CASP10: variants seen among roughly 807,000 people sequenced by gnomAD.
CASP10 encodes caspase 10.
CASP10 carries 41 observed loss-of-function variants against 48.5 expected under a neutral mutation model. The observed-to-expected ratio is 0.85, with a 90% CI of 0.66 to 1.10. The LOEUF (loss-of-function observed/expected upper bound fraction) is 1.10. CASP10 is among the 50% of genes least tolerant of loss of function. The probability of loss-of-function intolerance (pLI) is 0.00; values close to 1 mark genes in which losing one functional copy is unlikely to be tolerated. For synonymous variants in CASP10, 232 were observed against 238.4 expected, an observed-to-expected ratio of 0.97 and a Z score of 0.25; for missense variants, 614 against 614.5, an observed-to-expected ratio of 1.00 and a Z score of 0.01.
intron 2 of CASP10, among the ~76,000 whole-genome samples, chr2:201,187,081 A>T (rs1209577177): frequency 6.6e-6 from 1 of 152,214 alleles, no homozygotes; most frequent in East Asian, 1.9e-4. Context: ...GGTCTCTGCG[A>T]TTAGAACACA....
At chr2:201,203,368 G>T (rs1295892365) in intron 5 of CASP10, among the ~76,000 whole-genome samples, 1 of 149,962 alleles carries the variant, frequency 6.7e-6, no homozygotes, top group Non-Finnish European at 1.5e-5. Context: ...GTGCAGTTGC[G>T]CAATCTCGGC....
chr2:201,205,585 G>A (rs554969140), intron 6 of CASP10, among the ~76,000 whole-genome samples: 5 of 152,144 alleles, frequency 3.3e-5, no homozygotes, highest in Admixed American at 6.5e-5. Context: ...TATATCCAGT[G>A]ACATAAATGC....
At chr2:201,203,813 G>A in intron 6 of CASP10, 47 bp downstream of exon 6, 5 of 1,449,280 alleles carry the variant, frequency 3.4e-6, no homozygotes, top group Non-Finnish European at 4.9e-6. Context: ...GGTATGGTAG[G>A]GATAGACATA....
intron 4 of CASP10, among the ~76,000 whole-genome samples, chr2:201,193,808 G>A (rs917175851): frequency 3.3e-5 from 5 of 152,158 alleles, no homozygotes; most frequent in African/African-American, 1.2e-4. Flanking sequence ...GGGTAAGAGT[G>A]GACTCTATAG....
chr2:201,229,104 C>A lies in CASP10; in HGVS notation c.*21C>A, dbSNP rs759408767. ...CCTAGTTCTTTCCAGAGGCTTCCTTCTGCCTGCCTTCCAGCCACATCGCCT... is the reference window on the plus strand; with the variant it reads ...CCTAGTTCTTTCCAGAGGCTTCCTTATGCCTGCCTTCCAGCCACATCGCCT... On this transcript the variant is annotated 3_prime_UTR_variant, in exon 10 of 10. Coordinates refer to the CASP10 transcript ENST00000272879. 2.5e-6 allele frequency: 4 copies of A among 1,613,762 alleles called. No homozygotes were observed. The Admixed American group carries it at 6.7e-5, about 27-fold the overall frequency.
chr2:201,228,732 G>A (rs1945821194), intron 9 of CASP10, among the ~76,000 whole-genome samples: 1 of 152,068 alleles, frequency 6.6e-6, no homozygotes, highest in Admixed American at 6.5e-5. Context: ...GTGAGAAATG[G>A]GCTTGGTTTA....
rs1243496681 is a variant in CASP10 at position 201,221,013 on chromosome 2, G to T, written c.*3272G>T. ...CATTAGCTGTTGGGAAGACGAAAAA[G>T]AATGTGTCCTATGTGTGCATCTATT... On this transcript the variant is annotated 3_prime_UTR_variant, in exon 10 of 10. Coordinates refer to ENST00000286186, the MANE Select transcript of CASP10 (RefSeq NM_032977.4). 3 of 985,316 alleles carry T rather than the reference G, an allele frequency of 3.0e-6. No individual in the cohort carries two copies. Among genetic ancestry groups the T allele is most frequent in the Middle Eastern group, 5.2e-4 (1 of 1,936 alleles). 61.0% of individuals were successfully genotyped at this position (985,316 alleles called of 1,614,324 possible).
intron 9 of CASP10, chr2:201,213,173 T>C (rs901460472): frequency 6.6e-6 from 1 of 152,200 alleles, no homozygotes; most frequent in African/African-American, 2.4e-5. Flanking sequence ...AAAACTATGT[T>C]GTTAGGCATG....
At chr2:201,208,920 C>A in intron 8 of CASP10, 150 bp from the exon 9 acceptor site, 1 of 790,440 alleles carries the variant, frequency 1.3e-6, no homozygotes, top group Non-Finnish European at 2.0e-6. Flanking sequence ...TCAAGTGATC[C>A]GCCTGCTTCG....
rs575101570 is a variant in CASP10 at position 201,192,925 on chromosome 2, A to G, written c.442-59A>G. 5 of 1,574,906 alleles carry G rather than the reference A, an allele frequency of 3.2e-6. No individual in the cohort carries two copies. In the South Asian group the frequency reaches 4.5e-5, roughly 14 times the overall value. ...AGTGCCTACTGGCCATGCAGATAAC[A>G]TTTGAGTGAGTGGATAATCAATAGG... On this transcript the variant is annotated intron_variant, in intron 3 of 9. Coordinates refer to ENST00000286186, the MANE Select transcript of CASP10 (RefSeq NM_032977.4).
intron 9 of CASP10, chr2:201,213,234 C>A (rs41514050): frequency 1.3e-5 from 2 of 152,058 alleles, no homozygotes; most frequent in African/African-American, 2.4e-5. Flanking sequence ...TAAGAAGTTG[C>A]GGACTTCTAT....
At chr2:201,208,844 A>G (rs933455954) in intron 8 of CASP10, among the ~76,000 whole-genome samples, 1 of 151,852 alleles carries the variant, frequency 6.6e-6, no homozygotes, top group African/African-American at 2.4e-5. Flanking sequence ...ACACCTGGCT[A>G]TTTTTTGTAT....
At position 201,229,049 on chromosome 2, in the gene CASP10, G is replaced by A. The variant is rs151011448; in HGVS notation, c.1532G>A (p.Arg511Gln). 31 of 1,614,012 alleles carry A rather than the reference G, an allele frequency of 1.9e-5. No individual in the cohort carries two copies. The highest frequency in any genetic ancestry group is 5.0e-5 in the Admixed American group (3 of 59,990). ...ACGGCCATCTCTGCGCAGACACCTCGACCCCCCATGCGCAGGTGGAGCAGC... is the reference window on the plus strand; with the variant it reads ...ACGGCCATCTCTGCGCAGACACCTCAACCCCCCATGCGCAGGTGGAGCAGC... The change falls in exon 10 of 10, where the codon CGA becomes CAA. Residue 511 changes from arginine to glutamine, a missense_variant. Physicochemically the swap from Arg to Gln is conservative, Grantham distance 43 (BLOSUM62 1). Transcript: ENST00000272879.
rs1404765589 is a variant in CASP10 at position 201,216,103 on chromosome 2, T to G, written c.1416-1485T>G. Reference sequence around the variant, plus strand: ...TTCTTTCATCAATGTTTTATAGTTTTCAGTGTTTAATATTTAAGTTAATGA... The same window carrying G: ...TTCTTTCATCAATGTTTTATAGTTTGCAGTGTTTAATATTTAAGTTAATGA... On this transcript the variant is annotated intron_variant, in intron 9 of 9. Coordinates refer to ENST00000286186, the MANE Select transcript of CASP10 (RefSeq NM_032977.4). 2.6e-5 allele frequency among the ~76,000 whole-genome samples: 4 copies of G among 151,712 alleles called. No homozygotes were observed. The South Asian group carries it at 8.3e-4, about 31-fold the overall frequency.
intron 6 of CASP10, 151 bp downstream of exon 6, chr2:201,203,917 T>A: frequency 2.8e-6 from 2 of 723,736 alleles, no homozygotes; most frequent in Non-Finnish European, 4.8e-6. Context: ...GGCAAGACAT[T>A]GAATGCATGG....
Position 201,219,855 on chromosome 2 carries a change from G to A in CASP10, c.*2114G>A. The A allele has an allele frequency of 1.0e-6, 1 of 985,288 alleles. No homozygotes were observed. The highest frequency in any genetic ancestry group is 1.7e-5 in the African/African-American group (1 of 57,308). 61.0% of individuals were successfully genotyped at this position (985,288 alleles called of 1,614,324 possible). On this transcript the variant is annotated 3_prime_UTR_variant, in exon 10 of 10. Coordinates refer to ENST00000286186, the MANE Select transcript of CASP10 (RefSeq NM_032977.4). ...TTTATAGATGAGGCAGCTGAGGCCT[G>A]GGGATGTGAACAACCTGCTCACAGT...
chr2:201,187,908 C>A, intron 3 of CASP10, 109 bp downstream of exon 3: 1 of 805,294 alleles, frequency 1.2e-6, no homozygotes, highest in South Asian at 1.4e-5. Context: ...GAGACAGTAT[C>A]ATACAATGGT....
At chr2:201,188,726 T>G (rs1576069330) in intron 3 of CASP10, among the ~76,000 whole-genome samples, 1 of 152,196 alleles carries the variant, frequency 6.6e-6, no homozygotes, top group African/African-American at 2.4e-5. Flanking sequence ...TCAGGTCAGA[T>G]CCGTTTGGCA....
At chr2:201,224,493 AT>A (rs1036132649), downstream of CASP10, among the ~76,000 whole-genome samples, 2 of 152,172 alleles carry the variant, frequency 1.3e-5, no homozygotes, top group African/African-American at 4.8e-5. Flanking sequence ...AGTAGGTAAT[AT>A]TTTTATAAAG....
Sources: gnomAD v4.1 joint callset for allele counts (sites outside exome capture counted in the v4.1 genomes callset) on GRCh38, gnomAD v4.1.1 for gene constraint, MANE v1.5 for transcripts, NCBI Gene and HGNC (gene_info 2026-07-23, HGNC 2026-07-21) for gene names.